Variants in FBH1 observed in about 807,000 individuals in gnomAD.
The protein encoded by FBH1 is DNA 3'-5' helicase 1.
FBH1 carries 43 observed loss-of-function variants against 115.5 expected under a neutral mutation model. That is an observed-to-expected ratio of 0.37 (90% CI 0.29 to 0.48). FBH1 has a LOEUF of 0.48. FBH1 is among the 20% of genes least tolerant of loss of function. The probability of loss-of-function intolerance (pLI) is 0.99; values close to 1 mark genes in which losing one functional copy is unlikely to be tolerated. For synonymous variants in FBH1, 524 were observed against 507.8 expected (o/e 1.03, Z -0.43); for missense variants, 1,001 against 1,337.3 (o/e 0.75, Z 3.92).
chr10:5,908,894 A>T (rs977772005), intron 3 of FBH1, 31 bp from the exon 4 acceptor site: 5 of 1,611,828 alleles, frequency 3.1e-6, no homozygotes, highest in Non-Finnish European at 4.2e-6. Flanking sequence ...CCTTTGCCTC[A>T]TGTTATTTTG....
At position 5,911,715 on chromosome 10, in the gene FBH1, G is replaced by A. The variant is rs1409351967; in HGVS notation, c.1211+587G>A. On this transcript the variant is annotated intron_variant, in intron 6 of 20. Transcript: ENST00000362091. The surrounding 1 kb of genome is among the most constrained non-coding windows in gnomAD (Gnocchi z 5.4). ...TAGAGGAGATTCCTGATCTAGTGAG[G>A]GAAGACAGGTCCTATGTAAGTAAAT... 6.6e-6 allele frequency among the ~76,000 whole-genome samples: 1 copy of A among 152,154 alleles called. No individual in the cohort carries two copies. The highest frequency in any genetic ancestry group is 2.4e-5 in the African/African-American group (1 of 41,430).
In FBH1 at chr10:5,936,382, G is replaced by A. The variant is rs752888795; in HGVS notation, c.2830-74G>A. ...GCATCTAAAGGGTTCTCACAGAGCCGCCGCTATCAGTGTTTCCAGTAGACC... is the reference window on the plus strand; with the variant it reads ...GCATCTAAAGGGTTCTCACAGAGCCACCGCTATCAGTGTTTCCAGTAGACC... On this transcript the variant is annotated intron_variant, in intron 19 of 20. Transcript: ENST00000362091. The surrounding 1 kb of genome is among the most constrained non-coding windows in gnomAD (Gnocchi z 5.6). 667 of 1,556,486 alleles carry A rather than the reference G, an allele frequency of 4.3e-4. No homozygotes were observed. Among genetic ancestry groups the A allele is most frequent in the Middle Eastern group, 6.7e-4 (3 of 4,468 alleles).
rs772117133 is a variant in FBH1, at chr10:5,906,245, G to A, written c.366G>A (p.Lys122=). 3.7e-6 allele frequency: 6 copies of A among 1,614,198 alleles called. No homozygotes were observed. Among genetic ancestry groups the A allele is most frequent in the Non-Finnish European group, 5.1e-6 (6 of 1,180,026 alleles). ...CAGGGTCTGCCCCGCCCTCCAGGAA[G>A]CGGTCTTGGTCCTCTGAGGAAGAGA... ...GSPGSAPPSR[K]RSWSSEEESN... is the part of the protein sequence containing the mutation. The change falls in exon 3 of 21, where the codon AAG becomes AAA. Residue 122 remains lysine, a synonymous_variant. Transcript: ENST00000362091. This position sits in a 1 kb window ranked among gnomAD's most constrained non-coding sequence, Gnocchi z 7.3.
rs763885556 is a variant in FBH1 at position 5,906,413 on chromosome 10, T to G, written c.534T>G (p.Gly178=). ...CGTCTCGGCTCTCTGCGGAGTCTGG[T>G]GAAACCGACCAAGATGCTGGGGACG... The part of the protein sequence containing the change: ...DSTSRLSAES[G]ETDQDAGDVG... Residue 178 remains glycine (G), a synonymous_variant, in exon 3 of 21, where the codon GGT becomes GGG. Coordinates refer to ENST00000362091, the MANE Select transcript of FBH1 (RefSeq NM_178150.3). The surrounding 1 kb of genome is among the most constrained non-coding windows in gnomAD (Gnocchi z 7.3). 9.9e-6 allele frequency: 16 copies of G among 1,614,052 alleles called. No homozygotes were observed. Among genetic ancestry groups the G allele is most frequent in the Non-Finnish European group, 1.2e-5 (14 of 1,179,990 alleles).
At chr10:5,903,319 G>T in intron 2 of FBH1, 144 bp downstream of exon 2, 4 of 491,880 alleles carry the variant, frequency 8.1e-6, no homozygotes, top group Non-Finnish European at 9.8e-6. Flanking sequence ...TTTATTGTGA[G>T]TTTTCCATGA....
At chr10:5,890,695 T>G (rs1842658457) in intron 1 of FBH1, among the ~76,000 whole-genome samples, 1 of 152,154 alleles carries the variant, frequency 6.6e-6, no homozygotes, top group African/African-American at 2.4e-5. Context: ...GGCCAGGCTT[T>G]CCCGTCTACT....
At chr10:5,912,976 A>G (rs1831696677) in intron 6 of FBH1, among the ~76,000 whole-genome samples, 1 of 152,096 alleles carries the variant, frequency 6.6e-6, no homozygotes. Flanking sequence ...GGAGAGGTCG[A>G]GGCTTGGAGA....
chr10:5,932,550 C>T lies in FBH1; in HGVS notation c.2830-3906C>T, dbSNP rs998857088. Among the ~76,000 whole-genome samples, 2 of 152,226 alleles carry T rather than the reference C, an allele frequency of 1.3e-5. No homozygotes were observed. The highest frequency in any genetic ancestry group is 2.9e-5 in the Non-Finnish European group (2 of 68,042). On this transcript the variant is annotated intron_variant, in intron 19 of 20. Transcript: ENST00000362091. The surrounding 1 kb of genome is among the most constrained non-coding windows in gnomAD (Gnocchi z 5.9). ...TTGACGCACTGTGATTTATGCCGTTCTCGCTCATGGACGTGGTCACTTCCA... is the reference window on the plus strand; with the variant it reads ...TTGACGCACTGTGATTTATGCCGTTTTCGCTCATGGACGTGGTCACTTCCA...
rs1450463801 is a variant in FBH1 at position 5,895,158 on chromosome 10, A to G, written c.1+4812A>G. 17 of 1,613,940 alleles carry G rather than the reference A, an allele frequency of 1.1e-5. No homozygotes were observed. Among genetic ancestry groups the G allele is most frequent in the Non-Finnish European group, 1.3e-5 (15 of 1,179,894 alleles). ...AGGAGATGCCAGAGGACGAGTGCCC[A>G]CTTGCTGGTCTTCACAGAGCACGCT... On this transcript the variant is annotated intron_variant, in intron 1 of 20. Coordinates refer to ENST00000362091, the MANE Select transcript of FBH1 (RefSeq NM_178150.3). This position sits in a 1 kb window ranked among gnomAD's most constrained non-coding sequence, Gnocchi z 5.0.
chr10:5,937,360 G>C lies in FBH1; in HGVS notation c.*80G>C. The C allele has an allele frequency of 7.2e-7, 1 of 1,388,996 alleles. No homozygotes were observed. Among genetic ancestry groups the C allele is most frequent in the Admixed American group, 2.9e-5 (1 of 35,072 alleles). The allele number at this position is 1,388,996 out of a possible 1,614,324, so 86.0% of individuals were successfully genotyped here. ...AAGAAAGCCAGCGAGGGGGGCTTCTGCTCCCTGAGACTCTGGGTTCACCCA... is the reference window on the plus strand; with the variant it reads ...AAGAAAGCCAGCGAGGGGGGCTTCTCCTCCCTGAGACTCTGGGTTCACCCA... On this transcript the variant is annotated 3_prime_UTR_variant, in exon 21 of 21. Transcript: ENST00000362091.
chr10:5,907,319 C>G (rs955316993), intron 3 of FBH1, among the ~76,000 whole-genome samples: 2 of 151,968 alleles, frequency 1.3e-5, no homozygotes. Context: ...ATAAACCCCT[C>G]TCTTAAAACA....
Position 5,931,926 on chromosome 10 carries a change from T to G in FBH1, c.2829+4385T>G, listed in dbSNP as rs1341747432. 6.6e-6 allele frequency among the ~76,000 whole-genome samples: 1 copy of G among 152,200 alleles called. No individual in the cohort carries two copies. The highest frequency in any genetic ancestry group is 1.5e-5 in the Non-Finnish European group (1 of 68,026). ...TGCGGGGCTGAGGCAGACAGGTCAC[T>G]TTAAGTCAGGAGTTAGAGATCAGCC... On this transcript the variant is annotated intron_variant, in intron 19 of 20. Transcript: ENST00000362091. The surrounding 1 kb of genome is among the most constrained non-coding windows in gnomAD (Gnocchi z 4.3).
Position 5,923,507 on chromosome 10 carries a change from C to A in FBH1, c.2323-114C>A. 1.3e-6 allele frequency: 1 copy of A among 784,282 alleles called. No individual in the cohort carries two copies. The highest frequency in any genetic ancestry group is 1.8e-5 in the South Asian group (1 of 56,112). The allele number at this position is 784,282 out of a possible 1,614,324, so 48.6% of individuals were successfully genotyped here. A position where few individuals can be genotyped will look rare whatever the true frequency, so the allele number is the denominator to read the frequency against. ...AAGATCCATTTCCAAGAAACCATCTCATTTCAAAACCCCATCCCTGCATTT... is the reference window on the plus strand; with the variant it reads ...AAGATCCATTTCCAAGAAACCATCTAATTTCAAAACCCCATCCCTGCATTT... On this transcript the variant is annotated intron_variant, in intron 15 of 20. Coordinates refer to ENST00000362091, the MANE Select transcript of FBH1 (RefSeq NM_178150.3). The surrounding 1 kb of genome is among the most constrained non-coding windows in gnomAD (Gnocchi z 5.7).
At chr10:5,896,265 G>C (rs766501565) in intron 1 of FBH1, among the ~76,000 whole-genome samples, 1 of 152,118 alleles carries the variant, frequency 6.6e-6, no homozygotes, top group Non-Finnish European at 1.5e-5. Flanking sequence ...GAGTGGGCTG[G>C]GAGGGGATAG....
intron 3 of FBH1, 108 bp from the exon 4 acceptor site, chr10:5,908,817 G>A: frequency 8.0e-7 from 1 of 1,252,932 alleles, no homozygotes; most frequent in Admixed American, 1.8e-5. Flanking sequence ...CACCATGTTG[G>A]CCATGCTAGT....
At chr10:5,930,567 G>A (rs996837394) in intron 19 of FBH1, among the ~76,000 whole-genome samples, 9 of 152,216 alleles carry the variant, frequency 5.9e-5, no homozygotes, top group African/African-American at 2.2e-4. Flanking sequence ...AGGCCGGAGA[G>A]GGCTTCGTGC....
chr10:5,927,808 A>C (rs970152138), intron 19 of FBH1, among the ~76,000 whole-genome samples: 5 of 151,874 alleles, frequency 3.3e-5, no homozygotes, highest in African/African-American at 1.2e-4. Context: ...ACAGTGGCTT[A>C]TGCCTGTAAT....
In FBH1 at chr10:5,918,282, C is replaced by T; in HGVS notation, c.1964-60C>T. 2 of 1,586,104 alleles carry T rather than the reference C, an allele frequency of 1.3e-6. No homozygotes were observed. Among genetic ancestry groups the T allele is most frequent in the African/African-American group, 1.4e-5 (1 of 72,588 alleles). On this transcript the variant is annotated intron_variant, in intron 12 of 20. Coordinates refer to ENST00000362091, the MANE Select transcript of FBH1 (RefSeq NM_178150.3). The surrounding 1 kb of genome is among the most constrained non-coding windows in gnomAD (Gnocchi z 4.0). ...TTCGTGGAAGTGTTTTTGTCCTTTT[C>T]TTTTTGCTGCCTGGGGTGGAGGCCT...
rs896352531 is a variant in FBH1 at position 5,895,612 on chromosome 10, T to A, written c.1+5266T>A. The stretch of plus-strand genomic sequence containing the variant: ...AATAGACGTTTATTTTTCAATCCCA[T>A]AACAATCTAAGGAGGCTACAGGTCA... On this transcript the variant is annotated intron_variant, in intron 1 of 20. Transcript: ENST00000362091. This position sits in a 1 kb window ranked among gnomAD's most constrained non-coding sequence, Gnocchi z 5.0. Among the ~76,000 whole-genome samples the A allele has an allele frequency of 1.3e-5, 2 of 152,174 alleles. No individual in the cohort carries two copies. The highest frequency in any genetic ancestry group is 2.4e-5 in the African/African-American group (1 of 41,446).
Sources: gnomAD v4.1 joint callset for allele counts (sites outside exome capture counted in the v4.1 genomes callset) on GRCh38, gnomAD v4.1.1 for gene constraint, Gnocchi (gnomAD v3.1) non-coding constraint, MANE v1.5 for transcripts, NCBI Gene and HGNC (gene_info 2026-07-23, HGNC 2026-07-21) for gene names.